The following SCD5 variants were observed in gnomAD, a reference collection of about 807,000 sequenced individuals.
SCD5 encodes acyl-CoA-desaturase 4.
SCD5 carries 20 observed loss-of-function variants against 30.4 expected under a neutral mutation model. The ratio of observed to expected loss-of-function variants is 0.66; its 90% CI spans 0.46 to 0.96. The LOEUF (loss-of-function observed/expected upper bound fraction) is 0.96, where lower values mean the gene tolerates loss of function less well. Among genes scored for constraint, SCD5 ranks in the 40% least tolerant of loss-of-function variants. The pLI, the probability that SCD5 is intolerant of heterozygous loss-of-function variation, is 0.00. For missense variants in SCD5, 381 were observed against 443.3 expected (o/e 0.86, Z 1.26); for synonymous variants, 173 against 176.4 (o/e 0.98, Z 0.16).
rs996110065 is a variant in SCD5 at position 82,658,965 on chromosome 4, T to C, written c.569+21742A>G. ...TTTGGCTGTGAATCCCTCTGGTCCT[T>C]GGCTTTTTTTGGTTGGTAGGCTATT... On this transcript the variant is annotated intron_variant, in intron 3 of 4. Coordinates refer to ENST00000319540, the MANE Select transcript of SCD5 (RefSeq NM_001037582.3). Among the ~76,000 whole-genome samples, 10 of 152,180 alleles carry C rather than the reference T, an allele frequency of 6.6e-5. 1 individual carries two copies. Among genetic ancestry groups the C allele is most frequent in the African/African-American group, 2.2e-4 (9 of 41,528 alleles).
intron 1 of SCD5, among the ~76,000 whole-genome samples, chr4:82,755,833 T>C (rs560025981): frequency 6.6e-6 from 1 of 152,222 alleles, no homozygotes; most frequent in East Asian, 1.9e-4. Flanking sequence ...TTTAATTTTA[T>C]GCCTGAAACA....
intron 1 of SCD5, among the ~76,000 whole-genome samples, chr4:82,745,126 C>G (rs1720953521): frequency 6.6e-6 from 1 of 152,096 alleles, no homozygotes; most frequent in Non-Finnish European, 1.5e-5. Flanking sequence ...GCAAGCTATC[C>G]AACAAAAGAT....
At chr4:82,739,973 T>A (rs906743437) in intron 1 of SCD5, among the ~76,000 whole-genome samples, 1 of 152,174 alleles carries the variant, frequency 6.6e-6, no homozygotes, top group Non-Finnish European at 1.5e-5. Context: ...CCTGCTCACC[T>A]GTGTCGGCTC....
intron 3 of SCD5, among the ~76,000 whole-genome samples, chr4:82,647,659 T>C (rs1196416710): frequency 6.6e-6 from 1 of 152,194 alleles, no homozygotes; most frequent in Non-Finnish European, 1.5e-5. Flanking sequence ...CAGCTCAAGA[T>C]TGATTTGCTC....
intron 1 of SCD5, among the ~76,000 whole-genome samples, chr4:82,749,958 C>T (rs1721066717): frequency 6.6e-6 from 1 of 152,220 alleles, no homozygotes; most frequent in Admixed American, 6.5e-5. Flanking sequence ...ACTCTGGAAT[C>T]AGACTTCATG....
intron 1 of SCD5, among the ~76,000 whole-genome samples, chr4:82,712,281 T>TACAC (rs1173317486): frequency 4.0e-5 from 2 of 50,288 alleles, no homozygotes; most frequent in Non-Finnish European, 7.1e-5. Flanking sequence ...TATATATATA[T>TACAC]ATATATATAT....
At chr4:82,727,599 C>A (rs1030421662) in intron 1 of SCD5, among the ~76,000 whole-genome samples, 1 of 152,212 alleles carries the variant, frequency 6.6e-6, no homozygotes, top group Admixed American at 6.5e-5. Context: ...CATTGACAGG[C>A]AGTCAAAACT....
chr4:82,762,668 G>A (rs1003437444), intron 1 of SCD5, among the ~76,000 whole-genome samples: 1 of 152,220 alleles, frequency 6.6e-6, no homozygotes, highest in African/African-American at 2.4e-5. Flanking sequence ...CTTGTTGTGG[G>A]TGGAGCGAGC....
chr4:82,686,815 T>C (rs1327580474), intron 2 of SCD5, among the ~76,000 whole-genome samples: 1 of 20,462 alleles, frequency 4.9e-5, no homozygotes, highest in Non-Finnish European at 9.5e-5. Flanking sequence ...AAAAACTAAT[T>C]AACAAAAAAA....
intron 1 of SCD5, among the ~76,000 whole-genome samples, chr4:82,731,672 G>A (rs745599239): frequency 2.0e-5 from 3 of 152,176 alleles, no homozygotes; most frequent in Admixed American, 1.3e-4. Flanking sequence ...CAGAGGCAGC[G>A]CAGTTCTTAT....
At chr4:82,694,551 A>G (rs1449742387) in intron 2 of SCD5, among the ~76,000 whole-genome samples, 2 of 152,170 alleles carry the variant, frequency 1.3e-5, no homozygotes, top group South Asian at 2.1e-4. Context: ...ATGAAAGAAG[A>G]TATCTGTGGT....
chr4:82,786,726 A>AGGG (rs1471076009), intron 1 of SCD5, among the ~76,000 whole-genome samples: 1 of 148,386 alleles, frequency 6.7e-6, no homozygotes, highest in Non-Finnish European at 1.5e-5. Flanking sequence ...CAGAAGGCAG[A>AGGG]GGTTGCAGTG....
intron 1 of SCD5, among the ~76,000 whole-genome samples, chr4:82,786,357 A>G (rs1396701257): frequency 1.3e-5 from 2 of 152,230 alleles, no homozygotes; most frequent in Non-Finnish European, 2.9e-5. Flanking sequence ...GCTAAAACCA[A>G]CACAGCCCAA....
At chr4:82,752,387 A>C (rs373150257) in intron 1 of SCD5, among the ~76,000 whole-genome samples, 2 of 152,148 alleles carry the variant, frequency 1.3e-5, no homozygotes, top group African/African-American at 4.8e-5. Flanking sequence ...GGAAGAAGAG[A>C]GTCTTTTAAA....
chr4:82,660,885 C>T (rs528740777), intron 3 of SCD5: 4 of 1,614,022 alleles, frequency 2.5e-6, no homozygotes, highest in African/African-American at 2.7e-5. Context: ...TTCAGAATAC[C>T]TCCAGGGACA....
At chr4:82,667,809 A>T (rs1412740665) in intron 3 of SCD5, among the ~76,000 whole-genome samples, 1 of 152,178 alleles carries the variant, frequency 6.6e-6, no homozygotes, top group Non-Finnish European at 1.5e-5. Flanking sequence ...TTTCAGGGAC[A>T]TTCTCAAAAT....
Position 82,712,304 on chromosome 4 carries a change from TTTATTTTA to T in SCD5, c.233-6899_233-6892del, listed in dbSNP as rs1277742486. On this transcript the variant is annotated intron_variant, in intron 1 of 4. Transcript: ENST00000319540. ...TATATATATATATATATATTTTATTTTTATTTTATTTTTTTTTTTTGAGATGAAGTCTC... is the reference window on the plus strand; with the variant it reads ...TATATATATATATATATATTTTATTTTTTTTTTTTTTTGAGATGAAGTCTC... 7.8e-4 allele frequency among the ~76,000 whole-genome samples: 22 copies of T among 28,244 alleles called. 6 individuals are homozygous for T. The highest frequency in any genetic ancestry group is 2.6e-3 in the African/African-American group (22 of 8,614). The allele number at this position is 28,244 out of a possible 152,430, so 18.5% of individuals were successfully genotyped here.
At chr4:82,682,493 A>T (rs1728598885) in intron 2 of SCD5, among the ~76,000 whole-genome samples, 1 of 152,206 alleles carries the variant, frequency 6.6e-6, no homozygotes, top group Admixed American at 6.5e-5. Context: ...AATAAAAATA[A>T]ATTTAAGTAT....
In SCD5 at chr4:82,756,926, C is replaced by T. The variant is rs903230418; in HGVS notation, c.232+41380G>A. Among the ~76,000 whole-genome samples the T allele has an allele frequency of 5.9e-5, 9 of 152,088 alleles. No homozygotes were observed. The South Asian group carries it at 6.2e-4, about 11-fold the overall frequency. On this transcript the variant is annotated intron_variant, in intron 1 of 4. Transcript: ENST00000319540. ...TGTCACCCAGGCTGGAGTGTTGTGG[C>T]GCAATCTTGGCTCACCACAGCCTCT... is the stretch of plus-strand genomic sequence containing the variant.
Sources: gnomAD v4.1 joint callset for allele counts (sites outside exome capture counted in the v4.1 genomes callset) on GRCh38, gnomAD v4.1.1 for gene constraint, MANE v1.5 for transcripts, NCBI Gene and HGNC (gene_info 2026-07-23, HGNC 2026-07-21) for gene names.